Variants in CLDN10 observed in about 807,000 individuals in gnomAD.
The protein encoded by CLDN10 is claudin-10.
In CLDN10, 15 loss-of-function variants were observed where a neutral mutation model predicts 22.9. That is an observed-to-expected ratio of 0.65 (90% CI 0.44 to 1.01). The LOEUF is 1.01. Among genes scored for constraint, CLDN10 ranks in the 50% least tolerant of loss-of-function variants. CLDN10 has a pLI of 0.00. For synonymous variants in CLDN10, 114 were observed against 111.4 expected (o/e 1.02, Z -0.15); for missense variants, 247 against 287.8 (o/e 0.86, Z 1.03).
At chr13:95,544,625 T>C (rs1226963840) in intron 1 of CLDN10, among the ~76,000 whole-genome samples, 1 of 152,204 alleles carries the variant, frequency 6.6e-6, no homozygotes, top group East Asian at 1.9e-4. Context: ...CCACTGTGAT[T>C]TCCTTTCTTT....
chr13:95,513,538 C>A (rs1270969181), intron 1 of CLDN10, among the ~76,000 whole-genome samples: 1 of 143,926 alleles, frequency 6.9e-6, no homozygotes, highest in Non-Finnish European at 1.6e-5. Flanking sequence ...CATCCTCTCT[C>A]CTTCTTGGCT....
chr13:95,488,360 A>T (rs1057075145), intron 1 of CLDN10, among the ~76,000 whole-genome samples: 4 of 151,340 alleles, frequency 2.6e-5, no homozygotes, highest in Admixed American at 6.6e-5. Context: ...TTTTTTTAAC[A>T]ATTTTTTAAC....
Position 95,485,007 on chromosome 13 carries a change from T to C in CLDN10, c.214+50960T>C, listed in dbSNP as rs190775417. Among the ~76,000 whole-genome samples the C allele has an allele frequency of 3.1e-4, 47 of 152,114 alleles. 1 individual carries two copies. Among genetic ancestry groups the C allele is most frequent in the Middle Eastern group, 3.4e-3 (1 of 290 alleles). On this transcript the variant is annotated intron_variant, in intron 1 of 4. Coordinates refer to the CLDN10 transcript ENST00000376873. ...GGATTCCGCCCTAGAGTTGAGAGGATGGTTGAATGTACAACATCCAAGCCT... is the reference window on the plus strand; with the variant it reads ...GGATTCCGCCCTAGAGTTGAGAGGACGGTTGAATGTACAACATCCAAGCCT...
chr13:95,560,776 G>A (rs1328077424), intron 3 of CLDN10: 1 of 272,860 alleles, frequency 3.7e-6, no homozygotes, highest in Non-Finnish European at 7.0e-6. Flanking sequence ...GTGTCAGACG[G>A]AGAGGAAAGA....
At chr13:95,450,738 G>A (rs1428019118) in intron 1 of CLDN10, among the ~76,000 whole-genome samples, 1 of 152,206 alleles carries the variant, frequency 6.6e-6, no homozygotes, top group Non-Finnish European at 1.5e-5. Context: ...GCTTTGCTCT[G>A]TCTCTGGCTC....
chr13:95,562,886 G>A (rs192745208), intron 3 of CLDN10, among the ~76,000 whole-genome samples: 6 of 152,222 alleles, frequency 3.9e-5, no homozygotes, highest in Non-Finnish European at 5.9e-5. Context: ...CTATCTTTGC[G>A]TGACTGTTTT....
intron 1 of CLDN10, among the ~76,000 whole-genome samples, chr13:95,455,208 A>C (rs2139082575): frequency 1.3e-5 from 2 of 152,296 alleles, no homozygotes; most frequent in South Asian, 2.1e-4. Context: ...AAAAAAAAAA[A>C]AAAACTATTT....
intron 1 of CLDN10, among the ~76,000 whole-genome samples, chr13:95,527,902 A>C (rs980481739): frequency 1.3e-5 from 2 of 152,184 alleles, no homozygotes; most frequent in African/African-American, 4.8e-5. Flanking sequence ...GTTTTTTGCT[A>C]TTCGACTGCT....
At chr13:95,503,018 TCTAA>T (rs1031311388) in intron 1 of CLDN10, among the ~76,000 whole-genome samples, 63 of 152,360 alleles carry the variant, frequency 4.1e-4, no homozygotes, top group African/African-American at 1.4e-3. Flanking sequence ...AGCATACTGT[TCTAA>T]CTGTTGGTTG....
intron 1 of CLDN10, among the ~76,000 whole-genome samples, chr13:95,487,976 C>G (rs552273302): frequency 8.0e-5 from 8 of 100,018 alleles, no homozygotes; most frequent in Non-Finnish European, 1.4e-4. Flanking sequence ...CTGAGCCTGG[C>G]CTAATTTTTT....
intron 1 of CLDN10, among the ~76,000 whole-genome samples, chr13:95,435,480 A>G (rs976367558): frequency 9.9e-5 from 15 of 152,212 alleles, no homozygotes; most frequent in Admixed American, 9.8e-4. Context: ...TCTAATGACA[A>G]TCAAAAGAAA....
Position 95,552,947 on chromosome 13 carries a change from ACTTC to A in CLDN10, c.196_199del (p.Phe66ProfsTer17), listed in dbSNP as rs1275843150. On this transcript the variant is annotated frameshift_variant, in exon 1 of 5. Coordinates refer to ENST00000299339, the MANE Select transcript of CLDN10 (RefSeq NM_006984.5). LOFTEE classifies it high-confidence loss of function. Reference sequence around the variant, plus strand: ...TCCACGGGCGTCTCCAACTGCAAGGACTTCCCCTCCATGCTGGCGCTGGACGGTC... The same window carrying A: ...TCCACGGGCGTCTCCAACTGCAAGGACCCTCCATGCTGGCGCTGGACGGTC... The A allele has an allele frequency of 6.2e-7, 1 of 1,613,924 alleles. No individual in the cohort carries two copies.
intron 1 of CLDN10, among the ~76,000 whole-genome samples, chr13:95,435,880 T>C (rs1289824755): frequency 6.6e-6 from 1 of 151,852 alleles, no homozygotes; most frequent in Non-Finnish European, 1.5e-5. Context: ...GGTCTCGATC[T>C]CCTGAGCTCA....
In CLDN10 at chr13:95,578,379, TA is replaced by T. The variant is rs2043967939; in HGVS notation, c.*368del. The T allele has an allele frequency of 6.3e-6, 1 of 159,052 alleles. No homozygotes were observed. The highest frequency in any genetic ancestry group is 1.9e-4 in the South Asian group (1 of 5,400). The allele number at this position is 159,052 out of a possible 1,614,324, so 9.9% of individuals were successfully genotyped here. A position where few individuals can be genotyped will look rare whatever the true frequency, so the allele number is the denominator to read the frequency against. On this transcript the variant is annotated 3_prime_UTR_variant, in exon 5 of 5. Transcript: ENST00000299339. ...CACTCCTTATGTTTCTTTTCATTCATAAACAGGTGTATAAGGAACAATGTCT... is the reference window on the plus strand; with the variant it reads ...CACTCCTTATGTTTCTTTTCATTCATAACAGGTGTATAAGGAACAATGTCT...
chr13:95,563,728 G>T (rs8001332), intron 3 of CLDN10, among the ~76,000 whole-genome samples: 39,921 of 152,004 alleles, frequency 0.26, 6,266 homozygotes, highest in Non-Finnish European at 0.35. Flanking sequence ...TGATAGAAAA[G>T]GGGCATAAAA....
intron 3 of CLDN10, among the ~76,000 whole-genome samples, chr13:95,561,818 T>G (rs192119412): frequency 4.1e-4 from 61 of 150,508 alleles, no homozygotes; most frequent in Non-Finnish European, 7.8e-4. Context: ...CAGGCTGGAG[T>G]GTGGTGGTGT....
At chr13:95,529,406 C>T (rs544275930) in intron 1 of CLDN10, among the ~76,000 whole-genome samples, 2 of 151,988 alleles carry the variant, frequency 1.3e-5, no homozygotes, top group African/African-American at 4.8e-5. Context: ...AATAATGTAC[C>T]CTGTTACATA....
At chr13:95,493,128 A>G (rs1566299537) in intron 1 of CLDN10, among the ~76,000 whole-genome samples, 1 of 152,024 alleles carries the variant, frequency 6.6e-6, no homozygotes, top group Non-Finnish European at 1.5e-5. Context: ...GTTATTCTCC[A>G]GCTGAGGGTA....
rs1309517887 is a variant in CLDN10, at chr13:95,511,936, T to C, written c.215-48196T>C. Among the ~76,000 whole-genome samples the C allele has an allele frequency of 2.8e-5, 4 of 141,252 alleles. No homozygotes were observed. The East Asian group carries it at 8.0e-4, about 28-fold the overall frequency. The allele number at this position is 141,252 out of a possible 152,430, so 92.7% of individuals were successfully genotyped here. A position where few individuals can be genotyped will look rare whatever the true frequency, so the allele number is the denominator to read the frequency against. On this transcript the variant is annotated intron_variant, in intron 1 of 4. Coordinates refer to the CLDN10 transcript ENST00000376873. ...CATTTGTATACATGTGCCATGTTGG[T>C]GTGCTGCACCCATTAACTCATCATT... is the stretch of plus-strand genomic sequence containing the variant.
Sources: allele counts gnomAD v4.1 joint callset (sites outside exome capture counted in the v4.1 genomes callset), GRCh38; gene constraint gnomAD v4.1.1; transcripts MANE v1.5; gene names NCBI Gene and HGNC (gene_info 2026-07-23, HGNC 2026-07-21).